FBXL7: variants seen among roughly 807,000 people sequenced by gnomAD.
FBXL7 encodes the protein F-box and leucine rich repeat protein 7.
Under a neutral mutation model 38.3 loss-of-function variants are expected in FBXL7, and 12 were observed. The ratio of observed to expected loss-of-function variants is 0.31; its 90% CI spans 0.20 to 0.51. FBXL7 has a LOEUF of 0.51. Ranked by LOEUF, FBXL7 falls within the 20% of genes least tolerant of loss-of-function variation. The pLI is 0.98. For synonymous variants in FBXL7, 297 were observed against 300.9 expected (o/e 0.99, Z 0.13); for missense variants, 567 against 676.4 (o/e 0.84, Z 1.79).
chr5:15,858,228 T>C (rs1739329897), intron 2 of FBXL7, among the ~76,000 whole-genome samples: 1 of 149,562 alleles, frequency 6.7e-6, no homozygotes, highest in African/African-American at 2.4e-5. Flanking sequence ...ATATATAACA[T>C]ATGCATATTA....
intron 2 of FBXL7, among the ~76,000 whole-genome samples, chr5:15,876,964 G>T (rs1201249398): frequency 6.6e-6 from 1 of 152,140 alleles, no homozygotes; most frequent in African/African-American, 2.4e-5. Flanking sequence ...TTCCTCTAAA[G>T]TTTTGTATGT....
At chr5:15,702,119 T>C (rs1013434565) in intron 2 of FBXL7, among the ~76,000 whole-genome samples, 22 of 151,696 alleles carry the variant, frequency 1.5e-4, no homozygotes, top group East Asian at 3.9e-4. Flanking sequence ...GTTCCTGTAA[T>C]CCCAGCTACT....
chr5:15,905,404 A>G (rs1417979614), intron 2 of FBXL7, among the ~76,000 whole-genome samples: 1 of 152,138 alleles, frequency 6.6e-6, no homozygotes, highest in Non-Finnish European at 1.5e-5. Flanking sequence ...TCTGGCCTAG[A>G]GTGAGGAATC....
intron 2 of FBXL7, among the ~76,000 whole-genome samples, chr5:15,830,191 C>T (rs1738414941): frequency 2.0e-5 from 3 of 152,128 alleles, no homozygotes; most frequent in Non-Finnish European, 4.4e-5. Flanking sequence ...TTTTTGAAAA[C>T]TTAGCAAGGT....
intron 1 of FBXL7, among the ~76,000 whole-genome samples, chr5:15,590,215 C>G (rs1050994980): frequency 2.0e-4 from 31 of 152,150 alleles, no homozygotes; most frequent in African/African-American, 7.2e-4. Flanking sequence ...TGGAATTTAT[C>G]TGCTGCCTCA....
At chr5:15,730,745 A>G (rs987680190) in intron 2 of FBXL7, among the ~76,000 whole-genome samples, 11 of 152,216 alleles carry the variant, frequency 7.2e-5, no homozygotes, top group Admixed American at 5.9e-4. Context: ...GCCATGCACA[A>G]TTAGATATAT....
chr5:15,523,199 A>G (rs1202727267), intron 1 of FBXL7, among the ~76,000 whole-genome samples: 1 of 152,190 alleles, frequency 6.6e-6, no homozygotes, highest in Non-Finnish European at 1.5e-5. Context: ...CACCGAGTTT[A>G]TTAGAGTAAA....
At chr5:15,872,706 G>A (rs971709235) in intron 2 of FBXL7, among the ~76,000 whole-genome samples, 2 of 152,174 alleles carry the variant, frequency 1.3e-5, no homozygotes, top group Non-Finnish European at 2.9e-5. Flanking sequence ...TAATGGTAAA[G>A]GGATCACTGC....
At chr5:15,892,848 T>G (rs931672121) in intron 2 of FBXL7, among the ~76,000 whole-genome samples, 4 of 152,192 alleles carry the variant, frequency 2.6e-5, no homozygotes, top group Non-Finnish European at 5.9e-5. Context: ...CCGGGCGCGG[T>G]GGCTCACGCC....
chr5:15,855,914 G>A (rs1739257962), intron 2 of FBXL7, among the ~76,000 whole-genome samples: 1 of 152,162 alleles, frequency 6.6e-6, no homozygotes, highest in Non-Finnish European at 1.5e-5. Context: ...ACCCAAGCTT[G>A]TCTGATTCCA....
At chr5:15,580,847 C>G in intron 1 of FBXL7, 1 of 979,780 alleles carries the variant, frequency 1.0e-6, no homozygotes, top group Non-Finnish European at 1.2e-6. Flanking sequence ...ACTATCCCAG[C>G]GACACTGGTT....
chr5:15,614,920 C>A (rs971371550), intron 1 of FBXL7, among the ~76,000 whole-genome samples: 19 of 152,168 alleles, frequency 1.2e-4, no homozygotes, highest in Admixed American at 1.3e-4. Context: ...GAATAATATG[C>A]CTTGTCATTA....
chr5:15,791,074 G>A (rs868517874), intron 2 of FBXL7, among the ~76,000 whole-genome samples: 2 of 144,356 alleles, frequency 1.4e-5, no homozygotes, highest in South Asian at 2.3e-4. Flanking sequence ...GTGTAAAAGG[G>A]GGGGGGGGGT....
intron 1 of FBXL7, among the ~76,000 whole-genome samples, chr5:15,529,816 T>C (rs902996028): frequency 6.6e-6 from 1 of 152,238 alleles, no homozygotes; most frequent in Non-Finnish European, 1.5e-5. Context: ...TGTTGAAGTA[T>C]CCCTTCCACA....
chr5:15,694,391 G>A (rs2126626449), intron 2 of FBXL7, among the ~76,000 whole-genome samples: 1 of 152,332 alleles, frequency 6.6e-6, no homozygotes, highest in Middle Eastern at 3.4e-3. Context: ...GCGAAAAAAG[G>A]TCAAATTCCT....
intron 2 of FBXL7, among the ~76,000 whole-genome samples, chr5:15,732,566 C>G (rs1397330874): frequency 1.3e-5 from 2 of 152,056 alleles, no homozygotes; most frequent in African/African-American, 2.4e-5. Flanking sequence ...TATTTATTTG[C>G]AGATGCATGT....
At chr5:15,905,174 A>G (rs1302560618) in intron 2 of FBXL7, among the ~76,000 whole-genome samples, 4 of 152,214 alleles carry the variant, frequency 2.6e-5, no homozygotes, top group Non-Finnish European at 5.9e-5. Context: ...TTCCTGATCC[A>G]TAAAGCAACA....
At chr5:15,693,303 A>G (rs1743236031) in intron 2 of FBXL7, among the ~76,000 whole-genome samples, 1 of 152,186 alleles carries the variant, frequency 6.6e-6, no homozygotes, top group Non-Finnish European at 1.5e-5. Context: ...GACAGCCCAA[A>G]GCCCTCTGGA....
At chr5:15,843,451 C>T (rs966442196) in intron 2 of FBXL7, among the ~76,000 whole-genome samples, 10 of 152,006 alleles carry the variant, frequency 6.6e-5, no homozygotes, top group African/African-American at 1.9e-4. Context: ...AGTAAATATT[C>T]GAATGAATAA....
Sources: gnomAD v4.1 joint callset for allele counts (sites outside exome capture counted in the v4.1 genomes callset) on GRCh38, gnomAD v4.1.1 for gene constraint, MANE v1.5 for transcripts, NCBI Gene and HGNC (gene_info 2026-07-23, HGNC 2026-07-21) for gene names.